Variants in R3HDM2 observed in about 807,000 individuals in gnomAD.
The protein encoded by R3HDM2 is R3H domain containing 2, also known as R3H domain-containing protein 2.
R3HDM2 carries 38 observed loss-of-function variants against 124.5 expected under a neutral mutation model. That is an observed-to-expected ratio of 0.31 (90% CI 0.24 to 0.40). R3HDM2 has a LOEUF of 0.40. Ranked by LOEUF, R3HDM2 falls within the 10% of genes least tolerant of loss-of-function variation. The pLI is 1.00. For missense variants in R3HDM2, 869 were observed against 1,236.9 expected (o/e 0.70, Z 4.46); for synonymous variants, 391 against 448.0 (o/e 0.87, Z 1.61).
chr12:57,327,798 T>C (rs1396611799), intron 2 of R3HDM2, among the ~76,000 whole-genome samples: 2 of 152,140 alleles, frequency 1.3e-5, no homozygotes, highest in Non-Finnish European at 2.9e-5. Context: ...TGGTAAAACT[T>C]CAATGGATGA....
rs1275868390 is a variant in R3HDM2, at chr12:57,355,456, CAAAA to C, written c.-36+40289_-36+40292del. Among the ~76,000 whole-genome samples the C allele has an allele frequency of 5.9e-5, 3 of 51,188 alleles. No individual in the cohort carries two copies. The Admixed American group carries it at 6.9e-4, about 12-fold the overall frequency. The allele number at this position is 51,188 out of a possible 152,430, so 33.6% of individuals were successfully genotyped here. A position where few individuals can be genotyped will look rare whatever the true frequency, so the allele number is the denominator to read the frequency against. On this transcript the variant is annotated intron_variant, in intron 2 of 23. Transcript: ENST00000402412. ...CCTGGGCAACAGAGCGAGACTGTCTCAAAAAAAAAAAAAAAAGAAAGAAAAAAAA... is the reference window on the plus strand; with the variant it reads ...CCTGGGCAACAGAGCGAGACTGTCTCAAAAAAAAAAAAGAAAGAAAAAAAA...
chr12:57,402,025 T>C (rs2068091226), intron 1 of R3HDM2, among the ~76,000 whole-genome samples: 1 of 151,798 alleles, frequency 6.6e-6, no homozygotes, highest in African/African-American at 2.4e-5. Flanking sequence ...CCAGACACAG[T>C]GGCTTACACC....
intron 2 of R3HDM2, among the ~76,000 whole-genome samples, chr12:57,353,859 T>A (rs531918106): frequency 1.3e-5 from 2 of 152,244 alleles, no homozygotes; most frequent in Admixed American, 1.3e-4. Flanking sequence ...GTTTTTTTTA[T>A]TTTTTTATTT....
rs1477017740 is a variant in R3HDM2 at position 57,254,239 on chromosome 12, G to A, written c.*534C>T. On this transcript the variant is annotated 3_prime_UTR_variant, in exon 24 of 24. Coordinates refer to ENST00000402412, the MANE Select transcript of R3HDM2 (RefSeq NM_001394031.1). ...ATGGAAGCCAGGCACAGTGGCTCAC[G>A]CCTGTAATCCCAGCACTCTGGAAGG... 6 of 454,878 alleles carry A rather than the reference G, an allele frequency of 1.3e-5. No homozygotes were observed. Among genetic ancestry groups the A allele is most frequent in the South Asian group, 3.1e-5 (2 of 64,454 alleles). 28.2% of individuals were successfully genotyped at this position (454,878 alleles called of 1,614,324 possible).
intron 2 of R3HDM2, among the ~76,000 whole-genome samples, chr12:57,377,078 C>CTAAATAAATAAA (rs142655309): frequency 0.22 from 27,592 of 127,748 alleles, 3,421 homozygotes; most frequent in Admixed American, 0.31. Flanking sequence ...TGGGTCCACG[C>CTAAATAAATAAA]TAAATAAATA....
At chr12:57,319,471 T>G (rs1039765142) in intron 2 of R3HDM2, among the ~76,000 whole-genome samples, 1 of 152,192 alleles carries the variant, frequency 6.6e-6, no homozygotes. Context: ...CATTTCTTTT[T>G]GGAACACTTT....
chr12:57,282,533 G>A (rs867096731), intron 13 of R3HDM2, among the ~76,000 whole-genome samples: 10 of 152,126 alleles, frequency 6.6e-5, no homozygotes, highest in African/African-American at 1.7e-4. Context: ...AATGGCTCAT[G>A]TCTGTAATCC....
intron 1 of R3HDM2, among the ~76,000 whole-genome samples, chr12:57,405,935 A>C (rs191082479): frequency 6.6e-6 from 1 of 152,314 alleles, no homozygotes; most frequent in African/African-American, 2.4e-5. Flanking sequence ...GGAAGCTATC[A>C]AAGACTAACA....
intron 1 of R3HDM2, among the ~76,000 whole-genome samples, chr12:57,399,892 G>T (rs924829933): frequency 1.3e-5 from 2 of 152,200 alleles, no homozygotes; most frequent in African/African-American, 4.8e-5. Context: ...CTCAGGGCAA[G>T]GGGCTCACTG....
intron 2 of R3HDM2, among the ~76,000 whole-genome samples, chr12:57,313,852 G>C (rs983687860): frequency 2.3e-5 from 3 of 127,948 alleles, no homozygotes; most frequent in African/African-American, 9.2e-5. Flanking sequence ...CTACACTCCA[G>C]CCTGGGTGAC....
chr12:57,413,428 T>TAAAA (rs748462019), intron 1 of R3HDM2, among the ~76,000 whole-genome samples: 3 of 106,504 alleles, frequency 2.8e-5, no homozygotes, highest in Non-Finnish European at 2.0e-5. Flanking sequence ...ACCTTCTATT[T>TAAAA]AAAAAAAAAA....
chr12:57,383,455 C>T (rs1413864656), intron 2 of R3HDM2, among the ~76,000 whole-genome samples: 1 of 152,020 alleles, frequency 6.6e-6, no homozygotes, highest in Non-Finnish European at 1.5e-5. Context: ...GTAATCCCAG[C>T]ACTTTGGAAG....
chr12:57,268,976 C>A lies in R3HDM2; in HGVS notation c.1821G>T (p.Met607Ile). Residue 607 changes from methionine (M) to isoleucine (I), a missense_variant, in exon 17 of 24, where the codon ATG becomes ATT. By Grantham distance (10) the Met-to-Ile change is conservative. Around this residue, in one of 2 missense-constraint regions of R3HDM2, gnomAD observed 602 missense variants for 789.2 expected, o/e 0.76. Transcript: ENST00000402412. Reference sequence around the variant, plus strand: ...CCACCAGGCCTTGCATCTGGCCCCCCATGCTGCTCCTCTGGCTGCTGAGCA... The same window carrying A: ...CCACCAGGCCTTGCATCTGGCCCCCAATGCTGCTCCTCTGGCTGCTGAGCA... ...QGLLSSQRSS[M>I]GGQMQGLVVQ... is the part of the protein sequence containing the mutation. The A allele has an allele frequency of 1.2e-6, 2 of 1,614,236 alleles. No homozygotes were observed. Among genetic ancestry groups the A allele is most frequent in the Non-Finnish European group, 1.7e-6 (2 of 1,180,050 alleles).
intron 2 of R3HDM2, among the ~76,000 whole-genome samples, chr12:57,364,174 G>A (rs1426840732): frequency 3.4e-5 from 4 of 117,832 alleles, no homozygotes; most frequent in African/African-American, 1.3e-4. Flanking sequence ...TTCAGATGGA[G>A]TATCACTCTG....
chr12:57,325,485 G>A (rs1324797647), intron 2 of R3HDM2, among the ~76,000 whole-genome samples: 1 of 152,144 alleles, frequency 6.6e-6, no homozygotes, highest in Non-Finnish European at 1.5e-5. Context: ...ATACCAGAGT[G>A]GAAAACCATA....
intron 2 of R3HDM2, among the ~76,000 whole-genome samples, chr12:57,364,385 G>A (rs1245004448): frequency 6.6e-6 from 1 of 151,968 alleles, no homozygotes; most frequent in African/African-American, 2.4e-5. Flanking sequence ...CCTGACCTGA[G>A]GTGATCTGCC....
chr12:57,254,218 A>G lies in R3HDM2; in HGVS notation c.*555T>C, dbSNP rs1344202480. The G allele has an allele frequency of 2.2e-6, 1 of 455,494 alleles. No individual in the cohort carries two copies. Among genetic ancestry groups the G allele is most frequent in the African/African-American group, 2.0e-5 (1 of 50,004 alleles). 28.2% of individuals were successfully genotyped at this position (455,494 alleles called of 1,614,324 possible). Reference sequence around the variant, plus strand: ...TTAAAAAAATGATAGAAGAGGATGGAAGCCAGGCACAGTGGCTCACGCCTG... The same window carrying G: ...TTAAAAAAATGATAGAAGAGGATGGGAGCCAGGCACAGTGGCTCACGCCTG... On this transcript the variant is annotated 3_prime_UTR_variant, in exon 24 of 24. Coordinates refer to ENST00000402412, the MANE Select transcript of R3HDM2 (RefSeq NM_001394031.1).
intron 1 of R3HDM2, among the ~76,000 whole-genome samples, chr12:57,411,648 T>C (rs2069015161): frequency 6.6e-6 from 1 of 152,230 alleles, no homozygotes; most frequent in African/African-American, 2.4e-5. Flanking sequence ...GAGCAGTACA[T>C]TCTCAAGCTG....
chr12:57,422,169 T>G (rs2070286226), intron 1 of R3HDM2, among the ~76,000 whole-genome samples: 1 of 152,028 alleles, frequency 6.6e-6, no homozygotes, highest in African/African-American at 2.4e-5. Flanking sequence ...TAGACCCTAT[T>G]TCTTATCTAG....
Sources: gnomAD v4.1 joint callset for allele counts (sites outside exome capture counted in the v4.1 genomes callset) on GRCh38, gnomAD v4.1.1 for gene constraint, gnomAD v4.1.1 regional missense constraint, MANE v1.5 for transcripts, NCBI Gene and HGNC (gene_info 2026-07-23, HGNC 2026-07-21) for gene names.